SRP14: variants seen among roughly 807,000 people sequenced by gnomAD.
The protein encoded by SRP14 is signal recognition particle 14.
Under a neutral mutation model 16.0 loss-of-function variants are expected in SRP14, and 1 was observed. The observed-to-expected ratio is 0.06, with a 90% CI of 0.02 to 0.30. SRP14 has a LOEUF of 0.30. Among genes scored for constraint, SRP14 ranks in the 10% least tolerant of loss-of-function variants. The pLI, the probability that SRP14 is intolerant of heterozygous loss-of-function variation, is 1.00. For missense variants in SRP14, 120 were observed against 163.1 expected (o/e 0.74, Z 1.44); for synonymous variants, 67 against 60.1 (o/e 1.12, Z -0.53).
In SRP14 at chr15:40,038,473, G is replaced by T. The variant is rs943736717; in HGVS notation, c.98-79C>A. 3.4e-5 allele frequency: 34 copies of T among 1,000,972 alleles called. No individual in the cohort carries two copies. In the East Asian group the frequency reaches 7.6e-4, roughly 22 times the overall value. The allele number at this position is 1,000,972 out of a possible 1,614,324, so 62.0% of individuals were successfully genotyped here. A position where few individuals can be genotyped will look rare whatever the true frequency, so the allele number is the denominator to read the frequency against. On this transcript the variant is annotated intron_variant, in intron 2 of 4. Transcript: ENST00000267884. ...AGACAAACAGTTAAAACAGAGGAGT[G>T]GGGTAAGTGATGACCTAACCCAGCC...
At chr15:40,038,748 C>T in intron 2 of SRP14, 128 bp downstream of exon 2, 3 of 998,904 alleles carry the variant, frequency 3.0e-6, no homozygotes, top group Non-Finnish European at 3.0e-6. Context: ...GGGCCCGAAG[C>T]CCCGAATGTG....
At chr15:40,036,755 TA>T in intron 4 of SRP14, 1 of 634,338 alleles carries the variant, frequency 1.6e-6, no homozygotes. Context: ...CTTGTTCAAC[TA>T]TAGTATAGGT....
At position 40,036,320 on chromosome 15, in the gene SRP14, A is replaced by G; in HGVS notation, c.*13T>C. The G allele has an allele frequency of 6.2e-7, 1 of 1,611,652 alleles. No homozygotes were observed. The highest frequency in any genetic ancestry group is 1.3e-5 in the African/African-American group (1 of 74,994). ...TCAGTGGTTAATTGGTGAAAGCAGGAAATGTATGCCCTTTACTGTGCTGCT... is the reference window on the plus strand; with the variant it reads ...TCAGTGGTTAATTGGTGAAAGCAGGGAATGTATGCCCTTTACTGTGCTGCT... On this transcript the variant is annotated 3_prime_UTR_variant, in exon 5 of 5. Transcript: ENST00000267884.
In SRP14 at chr15:40,039,101, T is replaced by G; in HGVS notation, c.16A>C (p.Ser6Arg). The G allele has an allele frequency of 6.2e-7, 1 of 1,612,770 alleles. No individual in the cohort carries two copies. Among genetic ancestry groups the G allele is most frequent in the Non-Finnish European group, 8.5e-7 (1 of 1,179,672 alleles). The change falls in exon 1 of 5, where the codon AGC becomes CGC. Residue 6 changes from serine to arginine, a missense_variant. Ser to Arg is a moderately radical substitution (Grantham distance 110). Transcript: ENST00000267884. ...GCCAGGCCTAGCCATACCTGCTCGC[T>G]CTCCAACAACACCATCGCGGCGACG... Reference protein sequence around the residue: MVLLESEQFLTELTRL... With the variant: MVLLEREQFLTELTRL...
intron 2 of SRP14, 179 bp from the exon 3 acceptor site, chr15:40,038,573 A>T (rs2035667674): frequency 1.6e-6 from 1 of 612,602 alleles, no homozygotes. Flanking sequence ...TATTATTTCC[A>T]CGACGGAAAC....
At chr15:40,038,726 C>T (rs568994983) in intron 2 of SRP14, 150 bp downstream of exon 2, 5 of 814,278 alleles carry the variant, frequency 6.1e-6, no homozygotes, top group Non-Finnish European at 9.8e-6. Context: ...GCTACAATCC[C>T]TACTATTTTC....
rs981273032 is a variant in SRP14, at chr15:40,036,508, A to G, written c.244-8T>C. On this transcript the variant is annotated splice_region_variant and splice_polypyrimidine_tract_variant and intron_variant, in intron 4 of 4. Transcript: ENST00000267884. ...AAGGAGGTTTGAATAAGCCTGAAAGATACAACAGAGCATACCTTAGTGGGA... is the reference window on the plus strand; with the variant it reads ...AAGGAGGTTTGAATAAGCCTGAAAGGTACAACAGAGCATACCTTAGTGGGA... 6.2e-7 allele frequency: 1 copy of G among 1,613,088 alleles called. No individual in the cohort carries two copies. Among genetic ancestry groups the G allele is most frequent in the Non-Finnish European group, 8.5e-7 (1 of 1,179,274 alleles).
At chr15:40,037,613 GTCCTTAGGTTTTTGTTATT>G (rs2035648771) in intron 3 of SRP14, among the ~76,000 whole-genome samples, 1 of 36,704 alleles carries the variant, frequency 2.7e-5, no homozygotes, top group Admixed American at 2.0e-4. Context: ...AAGATAACTT[GTCCTTAGGTTTTTGTTATT>G]TCATGATATC....
At chr15:40,036,937 A>G (rs768680723) in intron 4 of SRP14, 49 bp downstream of exon 4, 2 of 1,603,138 alleles carry the variant, frequency 1.2e-6, no homozygotes, top group Non-Finnish European at 1.7e-6. Context: ...TCACTATCAT[A>G]CTGACTCTTG....
chr15:40,037,815 C>T (rs894717937), intron 3 of SRP14, among the ~76,000 whole-genome samples: 1 of 152,244 alleles, frequency 6.6e-6, no homozygotes, highest in Non-Finnish European at 1.5e-5. Context: ...GGAGCCTCTT[C>T]CTTTGCCTTA....
At position 40,037,036 on chromosome 15, in the gene SRP14, AAG is replaced by A. The variant is rs940933176; in HGVS notation, c.211-20_211-19del. On this transcript the variant is annotated intron_variant, in intron 3 of 4. Transcript: ENST00000267884. ...GAGCTCACCTGAAAAAGAAGGAAAA[AAG>A]AGGTCATACCTATTATCCATATAAG... 8.7e-6 allele frequency: 14 copies of A among 1,613,314 alleles called. No homozygotes were observed. Among genetic ancestry groups the A allele is most frequent in the Non-Finnish European group, 1.2e-5 (14 of 1,179,774 alleles).
In SRP14 at chr15:40,036,271, T is replaced by C. The variant is rs1230589590; in HGVS notation, c.*62A>G. The stretch of plus-strand genomic sequence containing the variant: ...TGGGGGAACCAGAAACCTAGCTATC[T>C]GGCCAAAAGGAAAAAATAGCAATTC... On this transcript the variant is annotated 3_prime_UTR_variant, in exon 5 of 5. Transcript: ENST00000267884. 8.8e-6 allele frequency: 14 copies of C among 1,598,728 alleles called. No individual in the cohort carries two copies. The South Asian group carries it at 1.3e-4, about 15-fold the overall frequency.
In SRP14 at chr15:40,036,002, C is replaced by T. The variant is rs1370535306; in HGVS notation, c.*331G>A. On this transcript the variant is annotated 3_prime_UTR_variant, in exon 5 of 5. Coordinates refer to ENST00000267884, the MANE Select transcript of SRP14 (RefSeq NM_003134.6). Reference sequence around the variant, plus strand: ...CTAGATTTAGTAGTTATTGCCAGAACTATTAAAATGGGTTGGGAAAGGAAT... The same window carrying T: ...CTAGATTTAGTAGTTATTGCCAGAATTATTAAAATGGGTTGGGAAAGGAAT... 1.3e-5 allele frequency: 4 copies of T among 299,150 alleles called. No individual in the cohort carries two copies. Among genetic ancestry groups the T allele is most frequent in the African/African-American group, 2.1e-5 (1 of 46,520 alleles). 18.5% of individuals were successfully genotyped at this position (299,150 alleles called of 1,614,324 possible).
In SRP14 at chr15:40,038,931, G is replaced by C; in HGVS notation, c.42C>G (p.Thr14=). The change falls in exon 2 of 5, where the codon ACC becomes ACG. Residue 14 remains threonine (T), a synonymous_variant. Coordinates refer to ENST00000267884, the MANE Select transcript of SRP14 (RefSeq NM_003134.6). ...ACGTCCGGCACTTCTGGAAAAGTCT[G>C]GTCAGCTCCGTCAGGAACTGGAAAA... ...LESEQFLTEL[T]RLFQKCRTSG... 1 of 1,613,118 alleles carries C rather than the reference G, an allele frequency of 6.2e-7. No homozygotes were observed. Among genetic ancestry groups the C allele is most frequent in the Non-Finnish European group, 8.5e-7 (1 of 1,179,654 alleles).
intron 2 of SRP14, 98 bp from the exon 3 acceptor site, chr15:40,038,492 C>A: frequency 3.7e-6 from 3 of 814,786 alleles, no homozygotes; most frequent in Non-Finnish European, 6.4e-6. Context: ...GATGACCTAA[C>A]CCAGCCCCGC....
chr15:40,037,901 C>T (rs1374125308), intron 3 of SRP14, among the ~76,000 whole-genome samples: 2 of 152,202 alleles, frequency 1.3e-5, no homozygotes, highest in East Asian at 3.8e-4. Flanking sequence ...CATCTAGCTG[C>T]ACATTCGCCA....
In SRP14 at chr15:40,036,155, A is replaced by C. The variant is rs998781056; in HGVS notation, c.*178T>G. The C allele has an allele frequency of 2.1e-5, 25 of 1,181,448 alleles. No individual in the cohort carries two copies. In the African/African-American group the frequency reaches 3.7e-4, roughly 17 times the overall value. 73.2% of individuals were successfully genotyped at this position (1,181,448 alleles called of 1,614,324 possible). A position where few individuals can be genotyped will look rare whatever the true frequency, so the allele number is the denominator to read the frequency against. ...CAGCACAGACCAATTAGCCAAATGC[A>C]AAATAAACTAGATTCTTACCACAAC... On this transcript the variant is annotated 3_prime_UTR_variant, in exon 5 of 5. Transcript: ENST00000267884.
chr15:40,035,737 T>A lies in SRP14; in HGVS notation c.*596A>T, dbSNP rs2035609656. The A allele has an allele frequency of 6.6e-6, 1 of 152,278 alleles. No individual in the cohort carries two copies. Among genetic ancestry groups the A allele is most frequent in the African/African-American group, 2.4e-5 (1 of 41,440 alleles). The allele number at this position is 152,278 out of a possible 1,614,324, so 9.4% of individuals were successfully genotyped here. On this transcript the variant is annotated 3_prime_UTR_variant, in exon 5 of 5. Coordinates refer to ENST00000267884, the MANE Select transcript of SRP14 (RefSeq NM_003134.6). ...AAGGGCATAAAGAAACCAAAAATCA[T>A]AATTACTTTGGAACCTTTATTCTTG...
chr15:40,036,460 T>C lies in SRP14; in HGVS notation c.284A>G (p.Lys95Arg). Residue 95 changes from lysine to arginine, a missense_variant, in exon 5 of 5, where the codon AAG (lysine) becomes AGG (arginine). Coordinates refer to ENST00000267884, the MANE Select transcript of SRP14 (RefSeq NM_003134.6). ...NLLRANMDGL[K>R]KRDKKNKTKK... ...AGTTTTGTTCTTTTTGTCTCTCTTC[T>C]TCAGCCCATCCATGTTAGCTCTAAG... 6.2e-7 allele frequency: 1 copy of C among 1,614,184 alleles called. No homozygotes were observed. The highest frequency in any genetic ancestry group is 8.5e-7 in the Non-Finnish European group (1 of 1,180,030).
Sources: allele counts gnomAD v4.1 joint callset (sites outside exome capture counted in the v4.1 genomes callset), GRCh38; gene constraint gnomAD v4.1.1; transcripts MANE v1.5; gene names NCBI Gene and HGNC (gene_info 2026-07-23, HGNC 2026-07-21).